LPP: variants seen among roughly 807,000 people sequenced by gnomAD.
LPP encodes LIM domain containing preferred translocation partner in lipoma, also known as lipoma-preferred partner.
LPP carries 38 observed loss-of-function variants against 60.4 expected under a neutral mutation model. That is an observed-to-expected ratio of 0.63 (90% CI 0.49 to 0.83). LPP has a LOEUF of 0.83. Among genes scored for constraint, LPP ranks in the 40% least tolerant of loss-of-function variants. The pLI, the probability that LPP is intolerant of heterozygous loss-of-function variation, is 0.00. For missense variants in LPP, 902 were observed against 783.6 expected, an observed-to-expected ratio of 1.15 and a Z score of -1.80; for synonymous variants, 328 against 290.8, an observed-to-expected ratio of 1.13 and a Z score of -1.30.
chr3:188,338,310 A>G (rs1394695329), intron 2 of LPP, among the ~76,000 whole-genome samples: 2 of 152,220 alleles, frequency 1.3e-5, no homozygotes, highest in African/African-American at 2.4e-5. Context: ...GTATTTGATG[A>G]CTGGAATGCA....
chr3:188,500,648 A>G (rs759681807), intron 5 of LPP, among the ~76,000 whole-genome samples: 10 of 152,118 alleles, frequency 6.6e-5, no homozygotes, highest in Non-Finnish European at 1.2e-4. Context: ...TCATGTATCA[A>G]TGTTTGGTAG....
At chr3:188,762,872 A>C (rs1462610449) in intron 9 of LPP, among the ~76,000 whole-genome samples, 2 of 152,044 alleles carry the variant, frequency 1.3e-5, no homozygotes, top group African/African-American at 2.4e-5. Context: ...TTCTTATCAG[A>C]ATTCAGTTAA....
chr3:188,477,523 A>T (rs990720806), intron 4 of LPP, among the ~76,000 whole-genome samples: 2 of 152,182 alleles, frequency 1.3e-5, no homozygotes, highest in Non-Finnish European at 2.9e-5. Flanking sequence ...CCGAGAAGTG[A>T]TGCATTAAAT....
At chr3:188,569,886 A>G (rs1444883585) in intron 6 of LPP, among the ~76,000 whole-genome samples, 4 of 152,046 alleles carry the variant, frequency 2.6e-5, no homozygotes, top group Non-Finnish European at 5.9e-5. Flanking sequence ...GAGTCATGCA[A>G]TCATTACCTC....
At chr3:188,344,144 G>A (rs907850878) in intron 3 of LPP, among the ~76,000 whole-genome samples, 9 of 152,258 alleles carry the variant, frequency 5.9e-5, no homozygotes, top group Middle Eastern at 6.8e-3. Flanking sequence ...TCTTGTAGAC[G>A]GTTGATTATC....
At chr3:188,156,878 A>G (rs1364627696) in intron 1 of LPP, among the ~76,000 whole-genome samples, 1 of 150,400 alleles carries the variant, frequency 6.6e-6, no homozygotes, top group Non-Finnish European at 1.5e-5. Flanking sequence ...AATATTATCA[A>G]TTGGTTCTTG....
chr3:188,223,282 G>A (rs1716483999), intron 1 of LPP, among the ~76,000 whole-genome samples: 1 of 152,136 alleles, frequency 6.6e-6, no homozygotes, highest in Non-Finnish European at 1.5e-5. Context: ...ATTTTTTAAA[G>A]GGAAGCTTTT....
At chr3:188,742,314 C>CT (rs928432462) in intron 8 of LPP, among the ~76,000 whole-genome samples, 1 of 151,750 alleles carries the variant, frequency 6.6e-6, no homozygotes, top group Non-Finnish European at 1.5e-5. Context: ...GAAATGAAAC[C>CT]TTTTTTTTAC....
intron 6 of LPP, among the ~76,000 whole-genome samples, chr3:188,596,881 T>C (rs1423047326): frequency 6.6e-6 from 1 of 152,096 alleles, no homozygotes; most frequent in African/African-American, 2.4e-5. Flanking sequence ...TGGCTTCTTT[T>C]ACTGAAGTCC....
chr3:188,329,161 C>G (rs1206845138), intron 2 of LPP, among the ~76,000 whole-genome samples: 1 of 152,196 alleles, frequency 6.6e-6, no homozygotes, highest in African/African-American at 2.4e-5. Context: ...TTAACAGCCA[C>G]TCATTGAGTC....
rs566725101 is a variant in LPP, at chr3:188,169,830, T to C, written c.-190+15578T>C. Among the ~76,000 whole-genome samples, 31 of 152,318 alleles carry C rather than the reference T, an allele frequency of 2.0e-4. No individual in the cohort carries two copies. In the East Asian group the frequency reaches 3.3e-3, roughly 16 times the overall value. On this transcript the variant is annotated intron_variant, in intron 1 of 11. Transcript: ENST00000617246. ...AGAAGGGGTACTCAGACATTCACCC[T>C]AGTAACTATGATACAGGGTCAGAAT...
chr3:188,418,939 G>A (rs560282555), intron 4 of LPP, among the ~76,000 whole-genome samples: 62 of 152,098 alleles, frequency 4.1e-4, no homozygotes, highest in Non-Finnish European at 7.8e-4. Flanking sequence ...ATTTTTTACC[G>A]TTCTATAGAA....
chr3:188,648,497 T>C (rs1851505408), intron 7 of LPP, among the ~76,000 whole-genome samples: 1 of 152,180 alleles, frequency 6.6e-6, no homozygotes, highest in Non-Finnish European at 1.5e-5. Flanking sequence ...GAGCTGTTCA[T>C]GTGTACTGCT....
chr3:188,724,933 G>A (rs1717807851), intron 8 of LPP, among the ~76,000 whole-genome samples: 1 of 152,240 alleles, frequency 6.6e-6, no homozygotes, highest in Admixed American at 6.5e-5. Flanking sequence ...CATGTCATCA[G>A]TCAAAAGAGT....
chr3:188,309,026 T>TC (rs1752535095), intron 2 of LPP, among the ~76,000 whole-genome samples: 1 of 81,464 alleles, frequency 1.2e-5, no homozygotes, highest in African/African-American at 4.8e-5. Flanking sequence ...CTTCTTCTTT[T>TC]TTTTTTTTTT....
chr3:188,700,754 A>G (rs1186471632), intron 7 of LPP, among the ~76,000 whole-genome samples: 1 of 152,172 alleles, frequency 6.6e-6, no homozygotes, highest in African/African-American at 2.4e-5. Context: ...CCTCTCATAA[A>G]TGGAAATCTC....
intron 2 of LPP, among the ~76,000 whole-genome samples, chr3:188,244,488 C>T (rs1251835144): frequency 6.6e-6 from 1 of 152,166 alleles, no homozygotes; most frequent in Non-Finnish European, 1.5e-5. Context: ...TCTAAGGTTT[C>T]TTTCAGAGCT....
chr3:188,388,566 T>C (rs1778917539), intron 3 of LPP, among the ~76,000 whole-genome samples: 1 of 152,164 alleles, frequency 6.6e-6, no homozygotes, highest in Non-Finnish European at 1.5e-5. Flanking sequence ...GTGGAATTAA[T>C]TGGCAATAAA....
intron 9 of LPP, among the ~76,000 whole-genome samples, chr3:188,792,090 C>T (rs1358562518): frequency 6.6e-6 from 1 of 152,152 alleles, no homozygotes; most frequent in African/African-American, 2.4e-5. Flanking sequence ...CTTCTTCCCA[C>T]TGCCATCCTC....
Sources: allele counts gnomAD v4.1 joint callset (sites outside exome capture counted in the v4.1 genomes callset), GRCh38; gene constraint gnomAD v4.1.1; transcripts MANE v1.5; gene names NCBI Gene and HGNC (gene_info 2026-07-23, HGNC 2026-07-21).